Variants in PPP6R3 observed in about 807,000 individuals in gnomAD.
PPP6R3 encodes serine/threonine-protein phosphatase 6 regulatory subunit 3.
PPP6R3 carries 38 observed loss-of-function variants against 110.7 expected under a neutral mutation model. That is an observed-to-expected ratio of 0.34 (90% CI 0.26 to 0.45). PPP6R3 has a LOEUF of 0.45. Ranked by LOEUF, PPP6R3 falls within the 20% of genes least tolerant of loss-of-function variation. The probability of loss-of-function intolerance (pLI) is 1.00; values close to 1 mark genes in which losing one functional copy is unlikely to be tolerated. For synonymous variants in PPP6R3, 369 were observed against 373.5 expected (o/e 0.99, Z 0.14); for missense variants, 870 against 1,062.4 (o/e 0.82, Z 2.52).
At chr11:68,536,841 C>T (rs2099273570) in intron 2 of PPP6R3, among the ~76,000 whole-genome samples, 1 of 152,118 alleles carries the variant, frequency 6.6e-6, no homozygotes, top group Non-Finnish European at 1.5e-5. Context: ...TGAATGGTCT[C>T]TACTGAGGTC....
At chr11:68,520,395 A>G (rs919500090) in intron 2 of PPP6R3, among the ~76,000 whole-genome samples, 1 of 152,164 alleles carries the variant, frequency 6.6e-6, no homozygotes, top group African/African-American at 2.4e-5. Context: ...GACTCTTGCA[A>G]CTGTCTTTTT....
chr11:68,614,480 A>T lies in PPP6R3; in HGVS notation c.*1363A>T. The stretch of plus-strand genomic sequence containing the variant: ...ACATCATTTGTTTTTCCTGACCAGT[A>T]TTTAAAACCAAAAGGATATTCTGAA... On this transcript the variant is annotated 3_prime_UTR_variant, in exon 24 of 24. Transcript: ENST00000393800. 1 of 1,393,486 alleles carries T rather than the reference A, an allele frequency of 7.2e-7. No homozygotes were observed. The highest frequency in any genetic ancestry group is 9.3e-7 in the Non-Finnish European group (1 of 1,077,666). 86.3% of individuals were successfully genotyped at this position (1,393,486 alleles called of 1,614,324 possible).
chr11:68,598,759 TG>T (rs1483492310), intron 19 of PPP6R3, among the ~76,000 whole-genome samples: 1 of 152,240 alleles, frequency 6.6e-6, no homozygotes, highest in Non-Finnish European at 1.5e-5. Context: ...ATAATTTAGT[TG>T]TAGAGTAGAA....
intron 19 of PPP6R3, among the ~76,000 whole-genome samples, chr11:68,599,114 C>A (rs2099622759): frequency 6.6e-6 from 1 of 152,212 alleles, no homozygotes; most frequent in African/African-American, 2.4e-5. Context: ...TAATCTTAGT[C>A]ACTTGTGTCT....
At chr11:68,576,510 C>G (rs2099532103) in intron 14 of PPP6R3, among the ~76,000 whole-genome samples, 1 of 152,152 alleles carries the variant, frequency 6.6e-6, no homozygotes, top group African/African-American at 2.4e-5. Context: ...ACTTTGAAAC[C>G]CCAGCTTTAA....
intron 9 of PPP6R3, among the ~76,000 whole-genome samples, chr11:68,565,382 C>G (rs1438560934): frequency 1.3e-5 from 2 of 151,960 alleles, no homozygotes; most frequent in East Asian, 3.9e-4. Flanking sequence ...CACATCTTAT[C>G]TGCATTCAGC....
intron 1 of PPP6R3, among the ~76,000 whole-genome samples, chr11:68,497,171 C>A (rs1387158730): frequency 6.6e-6 from 1 of 150,996 alleles, no homozygotes; most frequent in Non-Finnish European, 1.5e-5. Flanking sequence ...CTCAGCCTCC[C>A]GAGTAGCTGG....
At chr11:68,473,267 A>G (rs1591592524) in intron 1 of PPP6R3, among the ~76,000 whole-genome samples, 1 of 152,296 alleles carries the variant, frequency 6.6e-6, no homozygotes, top group South Asian at 2.1e-4. Flanking sequence ...ACTGCCAATG[A>G]TATAATCAGT....
rs1352091476 is a variant in PPP6R3, at chr11:68,547,572, C to T, written c.415-495C>T. Among the ~76,000 whole-genome samples the T allele has an allele frequency of 3.9e-5, 6 of 152,214 alleles. No individual in the cohort carries two copies. The South Asian group carries it at 8.3e-4, about 21-fold the overall frequency. On this transcript the variant is annotated intron_variant, in intron 4 of 23. Coordinates refer to ENST00000393800, the MANE Select transcript of PPP6R3 (RefSeq NM_001164161.2). The stretch of plus-strand genomic sequence containing the variant: ...AAATTGGTGAAGTCAAAATCAAAGG[C>T]GATGTTTGTGTAGCCAGGTGAGTTA...
chr11:68,497,497 C>T (rs999849174), intron 1 of PPP6R3, among the ~76,000 whole-genome samples: 4 of 152,108 alleles, frequency 2.6e-5, no homozygotes, highest in Admixed American at 6.5e-5. Context: ...GGACTACAGA[C>T]GTATGCTACC....
In PPP6R3 at chr11:68,493,636, T is replaced by TAA. The variant is rs1290572543; in HGVS notation, c.-157-25862_-157-25861dup. On this transcript the variant is annotated intron_variant, in intron 1 of 23. Transcript: ENST00000393800. ...AAAACCATATATATATATATATATA[T>TAA]AAAATATATATACAAAAAAATACAC... 2.3e-4 allele frequency among the ~76,000 whole-genome samples: 30 copies of TAA among 131,506 alleles called. No individual in the cohort carries two copies. In the South Asian group the frequency reaches 4.7e-3, roughly 20 times the overall value. 86.3% of individuals were successfully genotyped at this position (131,506 alleles called of 152,430 possible).
At chr11:68,500,754 G>T (rs1204754120) in intron 1 of PPP6R3, among the ~76,000 whole-genome samples, 1 of 152,246 alleles carries the variant, frequency 6.6e-6, no homozygotes, top group Non-Finnish European at 1.5e-5. Context: ...GGGATTACAG[G>T]CGTGAGCCAC....
At chr11:68,508,720 T>G (rs531219215) in intron 1 of PPP6R3, among the ~76,000 whole-genome samples, 20 of 152,192 alleles carry the variant, frequency 1.3e-4, no homozygotes, top group Non-Finnish European at 1.3e-4. Flanking sequence ...ACTTGCATTC[T>G]CTTTATTGGT....
At chr11:68,609,587 T>A (rs1942276616) in intron 22 of PPP6R3, 2 of 1,551,570 alleles carry the variant, frequency 1.3e-6, no homozygotes, top group Non-Finnish European at 1.7e-6. Context: ...CATTTCTTTT[T>A]CTGTTTTGCA....
Position 68,613,945 on chromosome 11 carries a change from T to G in PPP6R3, c.*828T>G, listed in dbSNP as rs1398852131. ...TTTTGTTTTTGTTTGTTTTTTTGTT[T>G]CATTTGGTAGTTCATCTGCCTTTTA... On this transcript the variant is annotated 3_prime_UTR_variant, in exon 24 of 24. Transcript: ENST00000393800. 1.0e-6 allele frequency: 1 copy of G among 985,230 alleles called. No individual in the cohort carries two copies. The highest frequency in any genetic ancestry group is 1.2e-6 in the Non-Finnish European group (1 of 829,720). The allele number at this position is 985,230 out of a possible 1,614,324, so 61.0% of individuals were successfully genotyped here.
chr11:68,498,737 A>G (rs967850045), intron 1 of PPP6R3, among the ~76,000 whole-genome samples: 7 of 152,186 alleles, frequency 4.6e-5, no homozygotes, highest in African/African-American at 1.7e-4. Context: ...TGGACATTGG[A>G]TAGATGGTAG....
At chr11:68,602,702 T>C (rs2099635511) in intron 21 of PPP6R3, among the ~76,000 whole-genome samples, 1 of 152,160 alleles carries the variant, frequency 6.6e-6, no homozygotes, top group Non-Finnish European at 1.5e-5. Flanking sequence ...TCCTGAACAT[T>C]TGATACAGAT....
rs546674431 is a variant in PPP6R3 at position 68,497,264 on chromosome 11, C to T, written c.-157-22237C>T. Among the ~76,000 whole-genome samples the T allele has an allele frequency of 2.5e-3, 375 of 150,306 alleles. 4 individuals carry two copies. The highest frequency in any genetic ancestry group is 8.8e-3 in the African/African-American group (358 of 40,636). On this transcript the variant is annotated intron_variant, in intron 1 of 23. Coordinates refer to ENST00000393800, the MANE Select transcript of PPP6R3 (RefSeq NM_001164161.2). ...AGAGATGGGGTTTCACCGTGTTAGC[C>T]AGGATGGTCTCGATCTCCTGACCTC...
intron 1 of PPP6R3, among the ~76,000 whole-genome samples, chr11:68,471,295 A>AG (rs975522877): frequency 2.6e-5 from 4 of 151,878 alleles, no homozygotes; most frequent in South Asian, 4.2e-4. Context: ...AAAAAAAAAA[A>AG]AAAAAGAAAA....
Sources: allele counts gnomAD v4.1 joint callset (sites outside exome capture counted in the v4.1 genomes callset), GRCh38; gene constraint gnomAD v4.1.1; transcripts MANE v1.5; gene names NCBI Gene and HGNC (gene_info 2026-07-23, HGNC 2026-07-21).